Variants in CFAP77 observed in about 807,000 individuals in gnomAD.
CFAP77 encodes the protein cilia and flagella associated protein 77, also known as cilia- and flagella-associated protein 77.
Under a neutral mutation model 31.1 loss-of-function variants are expected in CFAP77, and 25 were observed. The ratio of observed to expected loss-of-function variants is 0.80; its 90% CI spans 0.59 to 1.12. The LOEUF (loss-of-function observed/expected upper bound fraction) is 1.12. Ranked by LOEUF, CFAP77 falls within the 50% of genes most tolerant of loss-of-function variation. The probability of loss-of-function intolerance (pLI) is 0.00; values close to 1 mark genes in which losing one functional copy is unlikely to be tolerated. For missense variants in CFAP77, 377 were observed against 397.3 expected, an observed-to-expected ratio of 0.95 and a Z score of 0.44; for synonymous variants, 151 against 159.9, an observed-to-expected ratio of 0.94 and a Z score of 0.42.
intron 1 of CFAP77, among the ~76,000 whole-genome samples, chr9:132,412,269 C>T (rs1850020699): frequency 6.6e-6 from 1 of 152,230 alleles, no homozygotes; most frequent in Non-Finnish European, 1.5e-5. Flanking sequence ...AGCAGGGACC[C>T]ACGTCCAGGC....
chr9:132,441,365 A>C (rs1368146336), intron 1 of CFAP77, among the ~76,000 whole-genome samples: 2 of 152,184 alleles, frequency 1.3e-5, no homozygotes, highest in Non-Finnish European at 2.9e-5. Flanking sequence ...ACAGCTTTTT[A>C]ATGTACAGTT....
intron 5 of CFAP77, among the ~76,000 whole-genome samples, chr9:132,548,917 G>A (rs952156483): frequency 5.9e-5 from 9 of 152,136 alleles, no homozygotes; most frequent in Non-Finnish European, 8.8e-5. Flanking sequence ...TGCTCTGAAC[G>A]CTGGGATCAG....
At position 132,519,812 on chromosome 9, in the gene CFAP77, GTGGA is replaced by G. The variant is rs58108071; in HGVS notation, c.525-17757_525-17754del. On this transcript the variant is annotated intron_variant, in intron 3 of 5. Transcript: ENST00000393216. The stretch of plus-strand genomic sequence containing the variant: ...GATGGATGGATGGATGAATGGGTGG[GTGGA>G]TGGATGGATGGATGGATGGATGGAT... Among the ~76,000 whole-genome samples, 89 of 116,870 alleles carry G rather than the reference GTGGA, an allele frequency of 7.6e-4. 1 individual carries two copies. The highest frequency in any genetic ancestry group is 4.8e-3 in the Middle Eastern group (1 of 208). 76.7% of individuals were successfully genotyped at this position (116,870 alleles called of 152,430 possible).
rs1852718797 is a variant in CFAP77 at position 132,545,680 on chromosome 9, G to T, written c.732+2633G>T. Among the ~76,000 whole-genome samples the T allele has an allele frequency of 6.6e-6, 1 of 152,180 alleles. No homozygotes were observed. The highest frequency in any genetic ancestry group is 2.4e-5 in the African/African-American group (1 of 41,442). On this transcript the variant is annotated intron_variant, in intron 5 of 5. Coordinates refer to ENST00000393216, the MANE Select transcript of CFAP77 (RefSeq NM_001282957.2). This position sits in a 1 kb window ranked among gnomAD's most constrained non-coding sequence, Gnocchi z 4.6. ...GCCGTTATGGGTGTCACACGCAGTC[G>T]CCTCCTTGTCAGGAAGTAACACCAA...
chr9:132,466,067 G>A (rs1851145997), intron 1 of CFAP77, among the ~76,000 whole-genome samples: 2 of 152,190 alleles, frequency 1.3e-5, no homozygotes, highest in Non-Finnish European at 2.9e-5. Context: ...ACTGCAGAAT[G>A]TCTAGGGGTG....
intron 3 of CFAP77, among the ~76,000 whole-genome samples, chr9:132,510,619 C>T (rs1368027250): frequency 6.6e-6 from 1 of 152,286 alleles, no homozygotes; most frequent in Non-Finnish European, 1.5e-5. Flanking sequence ...TGCAGAGGAG[C>T]GGTGAGCCCA....
intron 3 of CFAP77, among the ~76,000 whole-genome samples, chr9:132,521,543 C>T (rs998679267): frequency 6.6e-6 from 1 of 152,072 alleles, no homozygotes; most frequent in African/African-American, 2.4e-5. Flanking sequence ...TCAAACACCT[C>T]GCATGTGCAA....
At chr9:132,569,983 T>A (rs1454269991) in intron 5 of CFAP77, among the ~76,000 whole-genome samples, 1 of 152,144 alleles carries the variant, frequency 6.6e-6, no homozygotes, top group Non-Finnish European at 1.5e-5. Flanking sequence ...TCCGCCCACC[T>A]TGGCCTCCCA....
Position 132,455,277 on chromosome 9 carries a change from C to T in CFAP77, c.196-43418C>T, listed in dbSNP as rs932255578. 1.4e-4 allele frequency among the ~76,000 whole-genome samples: 22 copies of T among 152,056 alleles called. No individual in the cohort carries two copies. The highest frequency in any genetic ancestry group is 4.8e-4 in the African/African-American group (20 of 41,390). On this transcript the variant is annotated intron_variant, in intron 1 of 5. Transcript: ENST00000393216. The surrounding 1 kb of genome is among the most constrained non-coding windows in gnomAD (Gnocchi z 4.1). ...ATCCCAGCACTTTGGGAGGCCGAGG[C>T]GGGTGGATCACCTGAGGTCAGGAGT...
chr9:132,456,487 T>C (rs1359287690), intron 1 of CFAP77, among the ~76,000 whole-genome samples: 1 of 152,222 alleles, frequency 6.6e-6, no homozygotes, highest in Non-Finnish European at 1.5e-5. Flanking sequence ...CTGAAAATAC[T>C]AGACAGGGGC....
Position 132,474,179 on chromosome 9 carries a change from T to C in CFAP77, c.196-24516T>C, listed in dbSNP as rs1851308704. ...CTTGCTTGATTAAAAACAAAGCTCA[T>C]TGTGCATTTTCCAATCTGTATCTTT... On this transcript the variant is annotated intron_variant, in intron 1 of 5. Transcript: ENST00000393216. Among the ~76,000 whole-genome samples, 4 of 152,220 alleles carry C rather than the reference T, an allele frequency of 2.6e-5. No individual in the cohort carries two copies. The South Asian group carries it at 8.3e-4, about 32-fold the overall frequency.
intron 4 of CFAP77, among the ~76,000 whole-genome samples, chr9:132,541,101 A>G (rs1405189399): frequency 3.3e-5 from 5 of 152,190 alleles, no homozygotes; most frequent in East Asian, 3.8e-4. Context: ...CAGTTTGCAA[A>G]GCCACATCCC....
chr9:132,550,786 G>A (rs1241962690), intron 5 of CFAP77, among the ~76,000 whole-genome samples: 1 of 152,058 alleles, frequency 6.6e-6, no homozygotes, highest in Non-Finnish European at 1.5e-5. Context: ...CCCCAGCGAG[G>A]TTGGTGGGGT....
At chr9:132,534,971 G>A (rs770395518) in intron 3 of CFAP77, among the ~76,000 whole-genome samples, 2 of 152,158 alleles carry the variant, frequency 1.3e-5, no homozygotes, top group Non-Finnish European at 2.9e-5. Flanking sequence ...GGGACCTCCT[G>A]GGCACAGAGA....
At chr9:132,413,362 C>T (rs777694143) in intron 1 of CFAP77, among the ~76,000 whole-genome samples, 1 of 152,116 alleles carries the variant, frequency 6.6e-6, no homozygotes, top group Non-Finnish European at 1.5e-5. Flanking sequence ...CATTTAAAAC[C>T]AAGTCAACTG....
At chr9:132,482,241 TCTGCTGGCTGTGACCCTTGACA>T in intron 1 of CFAP77, 1 of 954,486 alleles carries the variant, frequency 1.0e-6, no homozygotes, top group Middle Eastern at 2.1e-4. Flanking sequence ...TCACTCAGGG[TCTGCTGGCTGTGACCCTTGACA>T]GCTAAACTGA....
intron 1 of CFAP77, among the ~76,000 whole-genome samples, chr9:132,445,460 C>T (rs190929428): frequency 6.6e-6 from 1 of 152,116 alleles, no homozygotes; most frequent in African/African-American, 2.4e-5. Flanking sequence ...ATGGATAGAC[C>T]ACATTTTGTG....
chr9:132,459,787 T>C (rs1458828504), intron 1 of CFAP77, among the ~76,000 whole-genome samples: 3 of 150,944 alleles, frequency 2.0e-5, no homozygotes, highest in East Asian at 1.9e-4. Flanking sequence ...AGAGCGTGTG[T>C]GTATGTGAGA....
chr9:132,533,688 C>A (rs1852496737), intron 3 of CFAP77, among the ~76,000 whole-genome samples: 1 of 152,186 alleles, frequency 6.6e-6, no homozygotes, highest in African/African-American at 2.4e-5. Context: ...TCAAGACCAG[C>A]CTGGCCAAAT....
Sources: allele counts gnomAD v4.1 joint callset (sites outside exome capture counted in the v4.1 genomes callset), GRCh38; gene constraint gnomAD v4.1.1; non-coding constraint Gnocchi (gnomAD v3.1); transcripts MANE v1.5; gene names NCBI Gene and HGNC (gene_info 2026-07-23, HGNC 2026-07-21).